Variants in ARHGAP32 observed in about 807,000 individuals in gnomAD.
ARHGAP32 encodes the protein rho GTPase-activating protein 32.
In ARHGAP32, 51 loss-of-function variants were observed where a neutral mutation model predicts 186.5. That is an observed-to-expected ratio of 0.27 (90% CI 0.22 to 0.35). The LOEUF is 0.35. Among genes scored for constraint, ARHGAP32 ranks in the 10% least tolerant of loss-of-function variants. The pLI, the probability that ARHGAP32 is intolerant of heterozygous loss-of-function variation, is 1.00. For synonymous variants in ARHGAP32, 950 were observed against 964.3 expected, an observed-to-expected ratio of 0.99 and a Z score of 0.27; for missense variants, 2,186 against 2,623.5, an observed-to-expected ratio of 0.83 and a Z score of 3.64.
chr11:129,023,773 CAAATATAATCT>C, intron 11 of ARHGAP32: 1 of 510,498 alleles, frequency 2.0e-6, no homozygotes. Context: ...AACATGTGCC[CAAATATAATCT>C]AAACATAGTT....
At chr11:129,156,451 C>T (rs1943409306) in intron 2 of ARHGAP32, among the ~76,000 whole-genome samples, 1 of 152,152 alleles carries the variant, frequency 6.6e-6, no homozygotes, top group Non-Finnish European at 1.5e-5. Context: ...CAATTTTCCC[C>T]TCACAATGTA....
At chr11:129,254,892 T>C (rs1591721846) in intron 1 of ARHGAP32, among the ~76,000 whole-genome samples, 1 of 152,122 alleles carries the variant, frequency 6.6e-6, no homozygotes, top group East Asian at 1.9e-4. Context: ...AATAAATTAT[T>C]TTCTGTTCAC....
At chr11:129,136,771 TTGTC>T (rs903483253) in intron 2 of ARHGAP32, among the ~76,000 whole-genome samples, 1 of 151,898 alleles carries the variant, frequency 6.6e-6, no homozygotes, top group Non-Finnish European at 1.5e-5. Context: ...AACAGAAAAA[TTGTC>T]TGATAAAACT....
chr11:129,046,202 T>A (rs1026048310), intron 10 of ARHGAP32, among the ~76,000 whole-genome samples: 1 of 152,176 alleles, frequency 6.6e-6, no homozygotes, highest in Non-Finnish European at 1.5e-5. Flanking sequence ...CACTCAGTTA[T>A]ACAGTATTGA....
chr11:129,124,645 G>A (rs1278671475), intron 3 of ARHGAP32, among the ~76,000 whole-genome samples, 158 bp downstream of exon 3: 3 of 152,088 alleles, frequency 2.0e-5, no homozygotes, highest in Non-Finnish European at 2.9e-5. Flanking sequence ...TAATCTATAG[G>A]CCTATTCCAC....
At chr11:129,129,356 G>T (rs1023075473) in intron 2 of ARHGAP32, among the ~76,000 whole-genome samples, 2 of 151,036 alleles carry the variant, frequency 1.3e-5, no homozygotes, top group Non-Finnish European at 3.0e-5. Flanking sequence ...CCCGGCAGCC[G>T]CCCCGTCTGG....
At chr11:129,120,746 T>C (rs368230123) in intron 5 of ARHGAP32, among the ~76,000 whole-genome samples, 7 of 152,208 alleles carry the variant, frequency 4.6e-5, no homozygotes, top group African/African-American at 1.4e-4. Flanking sequence ...GAAAGAGCTA[T>C]AAACATAAAG....
At position 129,092,600 on chromosome 11, in the gene ARHGAP32, T is replaced by C. The variant is rs546313500; in HGVS notation, c.531+1021A>G. Reference sequence around the variant, plus strand: ...TATAAACAATACGTGAATTTGGCCATCTTACTTATTTATATACAAGCTAAA... The same window carrying C: ...TATAAACAATACGTGAATTTGGCCACCTTACTTATTTATATACAAGCTAAA... On this transcript the variant is annotated intron_variant, in intron 6 of 22. Coordinates refer to ENST00000682385, the MANE Select transcript of ARHGAP32 (RefSeq NM_001378024.1). 1.2e-3 allele frequency among the ~76,000 whole-genome samples: 185 copies of C among 152,100 alleles called. 2 individuals carry two copies. Among genetic ancestry groups the C allele is most frequent in the Middle Eastern group, 3.4e-3 (1 of 294 alleles).
At chr11:128,977,331 C>A (rs919765376) in intron 19 of ARHGAP32, among the ~76,000 whole-genome samples, 1 of 152,172 alleles carries the variant, frequency 6.6e-6, no homozygotes, top group African/African-American at 2.4e-5. Flanking sequence ...CTCTTTAACC[C>A]CTTGGCAGCA....
intron 1 of ARHGAP32, among the ~76,000 whole-genome samples, chr11:129,252,577 GAAGAGGTCTTCC>G (rs1945199614): frequency 6.6e-6 from 1 of 152,330 alleles, no homozygotes; most frequent in Non-Finnish European, 1.5e-5. Flanking sequence ...AAGGGCAGCA[GAAGAGGTCTTCC>G]AAATTCATCT....
intron 5 of ARHGAP32, among the ~76,000 whole-genome samples, chr11:129,106,119 C>CA (rs1263271591): frequency 6.6e-6 from 1 of 152,006 alleles, no homozygotes; most frequent in Non-Finnish European, 1.5e-5. Flanking sequence ...GGAGATATCT[C>CA]AAAAGAACTT....
At chr11:129,034,731 A>AC (rs1283888657) in intron 11 of ARHGAP32, among the ~76,000 whole-genome samples, 1 of 148,914 alleles carries the variant, frequency 6.7e-6, no homozygotes, top group Non-Finnish European at 1.5e-5. Flanking sequence ...CTGAAAACAA[A>AC]AAAAAAAAAA....
chr11:129,266,327 G>A (rs1347800945), intron 1 of ARHGAP32, among the ~76,000 whole-genome samples: 25 of 152,126 alleles, frequency 1.6e-4, no homozygotes, highest in Admixed American at 1.6e-3. Flanking sequence ...GGTGGACCAA[G>A]TGATAATGTT....
At chr11:129,177,069 A>T (rs1449615392) in intron 1 of ARHGAP32, among the ~76,000 whole-genome samples, 23 of 150,200 alleles carry the variant, frequency 1.5e-4, no homozygotes, top group South Asian at 2.1e-4. Flanking sequence ...AAGAGAGAAG[A>T]ATCAAATAGA....
At chr11:129,043,522 G>A (rs776351993) in intron 10 of ARHGAP32, among the ~76,000 whole-genome samples, 15 of 151,736 alleles carry the variant, frequency 9.9e-5, no homozygotes, top group African/African-American at 2.4e-5. Context: ...AAGTAACTGG[G>A]ATTATACGCG....
At chr11:128,986,786 A>C in intron 13 of ARHGAP32, 118 bp from the exon 14 acceptor site, 1 of 868,712 alleles carries the variant, frequency 1.2e-6, no homozygotes, top group Non-Finnish European at 1.7e-6. Flanking sequence ...AGTTGCTATT[A>C]TCTTCCATTA....
chr11:128,987,264 T>C (rs1945900972), intron 13 of ARHGAP32, among the ~76,000 whole-genome samples: 3 of 152,192 alleles, frequency 2.0e-5, no homozygotes, highest in African/African-American at 4.8e-5. Context: ...TTAATTAATA[T>C]TCATCCACGG....
intron 1 of ARHGAP32, among the ~76,000 whole-genome samples, chr11:129,270,761 G>A (rs4937406): frequency 0.87 from 131,962 of 151,914 alleles, 57,536 homozygotes; most frequent in African/African-American, 0.94. Flanking sequence ...CTGAGACTGT[G>A]GCTCAGTGAA....
chr11:129,041,785 G>A (rs1016727912), intron 10 of ARHGAP32, among the ~76,000 whole-genome samples: 9 of 152,126 alleles, frequency 5.9e-5, no homozygotes, highest in Non-Finnish European at 1.2e-4. Context: ...GATAAATACC[G>A]AGATAAACAG....
Sources: gnomAD v4.1 joint callset for allele counts (sites outside exome capture counted in the v4.1 genomes callset) on GRCh38, gnomAD v4.1.1 for gene constraint, MANE v1.5 for transcripts, NCBI Gene and HGNC (gene_info 2026-07-23, HGNC 2026-07-21) for gene names.